Variants in PCDHGA8 observed in about 807,000 individuals in gnomAD.
PCDHGA8 encodes the protein protocadherin gamma-A8.
In PCDHGA8, 45 loss-of-function variants were observed where a neutral mutation model predicts 59.2. The observed-to-expected ratio is 0.76, with a 90% confidence interval of 0.60 to 0.98. The LOEUF (loss-of-function observed/expected upper bound fraction) is 0.98. PCDHGA8 is among the 50% of genes least tolerant of loss of function. PCDHGA8 has a pLI of 0.00. For missense variants in PCDHGA8, 1,257 were observed against 1,196.2 expected (o/e 1.05, Z -0.75); for synonymous variants, 531 against 519.0 (o/e 1.02, Z -0.32).
intron 1 of PCDHGA8, 100 bp downstream of exon 1, chr5:141,395,337 T>G (rs1265011600): frequency 7.0e-7 from 1 of 1,433,514 alleles, no homozygotes; most frequent in African/African-American, 1.4e-5. Context: ...AAATAATTTT[T>G]AAGGTGTATC....
In PCDHGA8 at chr5:141,393,527, T is replaced by C; in HGVS notation, c.714T>C (p.Asn238=). 2 of 1,613,990 alleles carry C rather than the reference T, an allele frequency of 1.2e-6. No homozygotes were observed. Among genetic ancestry groups the C allele is most frequent in the South Asian group, 1.1e-5 (1 of 91,088 alleles). Reference sequence around the variant, plus strand: ...TGACAGTGTTGGATACAAATGACAATGCCCCGGTTTTTCCTCACCCGATTT... The same window carrying C: ...TGACAGTGTTGGATACAAATGACAACGCCCCGGTTTTTCCTCACCCGATTT... ...IHVTVLDTND[N]APVFPHPIYR... The change falls in exon 1 of 4, where the codon AAT becomes AAC. Residue 238 remains asparagine, a synonymous_variant. Transcript: ENST00000398604.
chr5:141,498,065 G>C (rs1197771947), intron 2 of PCDHGA8, among the ~76,000 whole-genome samples: 1 of 152,220 alleles, frequency 6.6e-6, no homozygotes, highest in Non-Finnish European at 1.5e-5. Context: ...GACTGAAACT[G>C]TCATAAGTGC....
chr5:141,423,970 A>C, intron 1 of PCDHGA8: 1 of 1,143,228 alleles, frequency 8.7e-7, no homozygotes, highest in Non-Finnish European at 1.1e-6. Flanking sequence ...TTCTATTATC[A>C]GTGTATGAGG....
chr5:141,432,586 C>T lies in PCDHGA8; in HGVS notation c.2424+37349C>T. The T allele has an allele frequency of 1.9e-6, 3 of 1,613,852 alleles. No homozygotes were observed. Among genetic ancestry groups the T allele is most frequent in the Non-Finnish European group, 2.5e-6 (3 of 1,179,972 alleles). On this transcript the variant is annotated intron_variant, in intron 1 of 3. Transcript: ENST00000398604. The surrounding 1 kb of genome is among the most constrained non-coding windows in gnomAD (Gnocchi z 6.0). ...ACGCCTGGCTGTCCTACCGTCTGCT[C>T]AAGGCCAGCGAGCCGGGACTCTTCT...
chr5:141,421,515 C>A, intron 1 of PCDHGA8: 3 of 1,614,080 alleles, frequency 1.9e-6, no homozygotes, highest in Non-Finnish European at 2.5e-6. Context: ...GGGAGGAGCT[C>A]TGTGAGACGG....
rs373591066 is a variant in PCDHGA8, at chr5:141,404,487, G to A, written c.2424+9250G>A. On this transcript the variant is annotated intron_variant, in intron 1 of 3. Transcript: ENST00000398604. The stretch of plus-strand genomic sequence containing the variant: ...TATGTCTCTATTAACTCAGACACTG[G>A]TGTGCTGTATGCTCTGTGCTCCTTT... 6.8e-6 allele frequency: 11 copies of A among 1,613,722 alleles called. No homozygotes were observed. Among genetic ancestry groups the A allele is most frequent in the Admixed American group, 1.7e-5 (1 of 60,008 alleles).
chr5:141,397,268 T>A (rs532503951), intron 1 of PCDHGA8, among the ~76,000 whole-genome samples: 2 of 152,298 alleles, frequency 1.3e-5, no homozygotes, highest in South Asian at 4.1e-4. Context: ...CTTAGCTACA[T>A]CATATGGGCA....
Position 141,490,345 on chromosome 5 carries a change from G to C in PCDHGA8, c.2425-4462G>C, listed in dbSNP as rs2099698831. On this transcript the variant is annotated intron_variant, in intron 1 of 3. Coordinates refer to ENST00000398604, the MANE Select transcript of PCDHGA8 (RefSeq NM_032088.2). This position sits in a 1 kb window ranked among gnomAD's most constrained non-coding sequence, Gnocchi z 5.4. ...AGAGAGCACACCAGTGGGCACAGTA[G>C]TGGGGTTGTTTAATGTGCGAGACCG... is the stretch of plus-strand genomic sequence containing the variant. 1 of 1,614,216 alleles carries C rather than the reference G, an allele frequency of 6.2e-7. No homozygotes were observed. Among genetic ancestry groups the C allele is most frequent in the Non-Finnish European group, 8.5e-7 (1 of 1,180,034 alleles).
chr5:141,417,285 A>C (rs913143514), intron 1 of PCDHGA8: 2 of 152,254 alleles, frequency 1.3e-5, no homozygotes, highest in African/African-American at 4.8e-5. Flanking sequence ...AAGGAACAAG[A>C]ATGACTGCCT....
At chr5:141,396,944 G>A (rs983363091) in intron 1 of PCDHGA8, among the ~76,000 whole-genome samples, 1 of 152,166 alleles carries the variant, frequency 6.6e-6, no homozygotes, top group African/African-American at 2.4e-5. Context: ...GCCCTGGTAG[G>A]AAAGAAAATC....
chr5:141,415,783 A>G, intron 1 of PCDHGA8: 1 of 1,344,604 alleles, frequency 7.4e-7, no homozygotes, highest in Non-Finnish European at 9.5e-7. Context: ...ACTTTCTGGT[A>G]AAATTCACCT....
intron 1 of PCDHGA8, chr5:141,478,292 CTATA>C (rs1257685524): frequency 6.2e-7 from 1 of 1,614,146 alleles, no homozygotes; most frequent in Admixed American, 1.7e-5. Flanking sequence ...GTCTAGAGAC[CTATA>C]CCGAGCCCCG....
At chr5:141,405,309 A>T (rs1019536231) in intron 1 of PCDHGA8, 2 of 1,614,068 alleles carry the variant, frequency 1.2e-6, no homozygotes, top group Non-Finnish European at 1.7e-6. Context: ...CAGAGCTGTG[A>T]GAAAAATGAG....
At chr5:141,396,830 G>C (rs1014090361) in intron 1 of PCDHGA8, among the ~76,000 whole-genome samples, 1 of 152,198 alleles carries the variant, frequency 6.6e-6, no homozygotes, top group African/African-American at 2.4e-5. Flanking sequence ...TGCATATTCA[G>C]TGGAGTGGGA....
rs2093887845 is a variant in PCDHGA8, at chr5:141,399,791, C to T, written c.2424+4554C>T. ...TTGGTGGGCGACCGAAACGACAACG[C>T]ACCGCGGGTGCTGTACCCCGCGCTG... On this transcript the variant is annotated intron_variant, in intron 1 of 3. Transcript: ENST00000398604. 1.2e-6 allele frequency: 2 copies of T among 1,613,128 alleles called. No individual in the cohort carries two copies. Among genetic ancestry groups the T allele is most frequent in the Admixed American group, 1.7e-5 (1 of 59,984 alleles).
Position 141,423,176 on chromosome 5 carries a change from A to C in PCDHGA8, c.2424+27939A>C, listed in dbSNP as rs781125798. Reference sequence around the variant, plus strand: ...AGCCTCGTGGTGGCCGTCCAGGACCACGGCCAGCCCCCTCTCTCGGCCACC... The same window carrying C: ...AGCCTCGTGGTGGCCGTCCAGGACCCCGGCCAGCCCCCTCTCTCGGCCACC... On this transcript the variant is annotated intron_variant, in intron 1 of 3. Transcript: ENST00000398604. 1.7e-5 allele frequency: 28 copies of C among 1,613,356 alleles called. No homozygotes were observed. In the African/African-American group the frequency reaches 3.6e-4, roughly 21 times the overall value.
intron 1 of PCDHGA8, chr5:141,403,682 C>T (rs1456832899): frequency 1.3e-5 from 21 of 1,613,810 alleles, no homozygotes; most frequent in Non-Finnish European, 1.1e-5. Flanking sequence ...GGTTTTTGCT[C>T]AACGGATTTA....
Position 141,393,975 on chromosome 5 carries a change from G to C in PCDHGA8, c.1162G>C (p.Asp388His), listed in dbSNP as rs2092889131. The C allele has an allele frequency of 6.2e-7, 1 of 1,613,680 alleles. No individual in the cohort carries two copies. Among genetic ancestry groups the C allele is most frequent in the Admixed American group, 1.7e-5 (1 of 59,980 alleles). Residue 388 changes from aspartate (D) to histidine (H), a missense_variant, in exon 1 of 4, where the codon GAT becomes CAT. Physicochemically the swap from Asp to His is moderately conservative, Grantham distance 81. Transcript: ENST00000398604. ...TGGTCAAGTTGTCTGTTACACACGT[G>C]ATAATTTACCTTTTAAATTAGAAAA... is the stretch of plus-strand genomic sequence containing the variant. Reference protein sequence around the residue: ...KNGQVVCYTRDNLPFKLEKSI... With the variant: ...KNGQVVCYTRHNLPFKLEKSI...
At chr5:141,455,860 ATTATTTATTTATTTATTTATTTAT>A (rs145569377) in intron 1 of PCDHGA8, among the ~76,000 whole-genome samples, 10 of 139,848 alleles carry the variant, frequency 7.2e-5, no homozygotes, top group Admixed American at 5.1e-4. Flanking sequence ...AATTTCTTTT[ATTATTTATTTATTTATTTATTTAT>A]TTATTTATTT....
Sources: gnomAD v4.1 joint callset for allele counts (sites outside exome capture counted in the v4.1 genomes callset) on GRCh38, gnomAD v4.1.1 for gene constraint, Gnocchi (gnomAD v3.1) non-coding constraint, MANE v1.5 for transcripts, NCBI Gene and HGNC (gene_info 2026-07-23, HGNC 2026-07-21) for gene names.